Variants in CTTN observed in about 807,000 individuals in gnomAD.
The protein encoded by CTTN is src substrate cortactin.
In CTTN, 28 loss-of-function variants were observed where a neutral mutation model predicts 84.0. That is an observed-to-expected ratio of 0.33 (90% CI 0.25 to 0.46). The LOEUF is 0.46. CTTN is among the 20% of genes least tolerant of loss of function. The probability of loss-of-function intolerance (pLI) is 1.00; values close to 1 mark genes in which losing one functional copy is unlikely to be tolerated. For missense variants in CTTN, 641 were observed against 723.8 expected (o/e 0.89, Z 1.31); for synonymous variants, 301 against 288.8 (o/e 1.04, Z -0.43).
chr11:70,407,736 T>A, intron 4 of CTTN, 145 bp downstream of exon 4: 1 of 641,470 alleles, frequency 1.6e-6, no homozygotes, highest in Non-Finnish European at 2.7e-6. Flanking sequence ...AGTAAATGAA[T>A]ATAAGACACA....
intron 9 of CTTN, 174 bp from the exon 10 acceptor site, chr11:70,420,226 C>G: frequency 1.6e-6 from 1 of 621,378 alleles, no homozygotes; most frequent in African/African-American, 1.8e-5. Context: ...TTATTTCCTG[C>G]CACTCTCCAA....
Position 70,436,036 on chromosome 11 carries a change from C to A in CTTN, c.*874C>A. ...GGGCAGCCTGGGGCGGTGTGTGTGC[C>A]ATGTCACAGCATGGCCTCTCGGCCT... On this transcript the variant is annotated 3_prime_UTR_variant, in exon 18 of 18. Transcript: ENST00000301843. 1 of 1,425,720 alleles carries A rather than the reference C, an allele frequency of 7.0e-7. No individual in the cohort carries two copies. Among genetic ancestry groups the A allele is most frequent in the Non-Finnish European group, 9.1e-7 (1 of 1,095,980 alleles). The allele number at this position is 1,425,720 out of a possible 1,614,324, so 88.3% of individuals were successfully genotyped here. A position where few individuals can be genotyped will look rare whatever the true frequency, so the allele number is the denominator to read the frequency against.
intron 5 of CTTN, among the ~76,000 whole-genome samples, chr11:70,411,636 CAGG>C (rs1376418132): frequency 2.0e-5 from 3 of 152,228 alleles, no homozygotes; most frequent in African/African-American, 7.2e-5. Flanking sequence ...GGCAACGTGT[CAGG>C]AGAGCCTGGT....
In CTTN at chr11:70,411,274, C is replaced by T. The variant is rs1368326605; in HGVS notation, c.291+1314C>T. Among the ~76,000 whole-genome samples the T allele has an allele frequency of 8.5e-5, 9 of 105,752 alleles. 1 individual carries two copies. The South Asian group carries it at 2.2e-3, about 26-fold the overall frequency. 69.4% of individuals were successfully genotyped at this position (105,752 alleles called of 152,430 possible). A position where few individuals can be genotyped will look rare whatever the true frequency, so the allele number is the denominator to read the frequency against. On this transcript the variant is annotated intron_variant, in intron 5 of 17. Transcript: ENST00000301843. The stretch of plus-strand genomic sequence containing the variant: ...GACGGAATCCATGTGTTCAGTGCAG[C>T]GAGCGAAGCGTGTGCACACGGACAG...
chr11:70,424,157 C>T (rs555294598), intron 12 of CTTN, among the ~76,000 whole-genome samples: 32 of 152,146 alleles, frequency 2.1e-4, no homozygotes, highest in Non-Finnish European at 3.8e-4. Context: ...GGAGTAGGCA[C>T]GCGGTCAGAG....
intron 2 of CTTN, among the ~76,000 whole-genome samples, chr11:70,406,136 AGG>A (rs988156388): frequency 2.0e-5 from 3 of 152,262 alleles, no homozygotes; most frequent in African/African-American, 7.2e-5. Flanking sequence ...AGAAGGTTCC[AGG>A]GGCACTGTTA....
At position 70,435,335 on chromosome 11, in the gene CTTN, T is replaced by C; in HGVS notation, c.*173T>C. The C allele has an allele frequency of 6.8e-7, 1 of 1,460,828 alleles. No individual in the cohort carries two copies. The highest frequency in any genetic ancestry group is 1.4e-5 in the South Asian group (1 of 71,804). The allele number at this position is 1,460,828 out of a possible 1,614,324, so 90.5% of individuals were successfully genotyped here. A position where few individuals can be genotyped will look rare whatever the true frequency, so the allele number is the denominator to read the frequency against. ...TTATATTTAATACTTTTGCTGATGCTTTTGAAAATGTTTATGCCACAGAAT... is the reference window on the plus strand; with the variant it reads ...TTATATTTAATACTTTTGCTGATGCCTTTGAAAATGTTTATGCCACAGAAT... On this transcript the variant is annotated 3_prime_UTR_variant, in exon 18 of 18. Transcript: ENST00000301843.
chr11:70,425,422 G>A (rs1263648796), intron 13 of CTTN, 21 bp downstream of exon 13: 1 of 1,595,782 alleles, frequency 6.3e-7, no homozygotes. Context: ...GCTGATACCA[G>A]GAGCACCGTG....
intron 2 of CTTN, among the ~76,000 whole-genome samples, chr11:70,406,336 G>A (rs1419083427): frequency 6.6e-6 from 1 of 152,168 alleles, no homozygotes; most frequent in Non-Finnish European, 1.5e-5. Flanking sequence ...GTCCAGTCCT[G>A]ATTCAGGGCG....
chr11:70,414,458 G>GC lies in CTTN; in HGVS notation c.292-82dup, dbSNP rs2135565920. The GC allele has an allele frequency of 5.1e-6, 5 of 982,634 alleles. No homozygotes were observed. The South Asian group carries it at 5.7e-5, about 11-fold the overall frequency. The allele number at this position is 982,634 out of a possible 1,614,324, so 60.9% of individuals were successfully genotyped here. On this transcript the variant is annotated intron_variant, in intron 5 of 17. Coordinates refer to ENST00000301843, the MANE Select transcript of CTTN (RefSeq NM_005231.4). ...GTTTCCCTGCACTGACCAGGATGTGGCCTCCCCCAGCCCTGCTCTGGGAGG... is the reference window on the plus strand; with the variant it reads ...GTTTCCCTGCACTGACCAGGATGTGGCCCTCCCCCAGCCCTGCTCTGGGAGG...
At chr11:70,412,117 G>A (rs905283013) in intron 5 of CTTN, among the ~76,000 whole-genome samples, 2 of 152,140 alleles carry the variant, frequency 1.3e-5, no homozygotes, top group Non-Finnish European at 2.9e-5. Flanking sequence ...CAGCACCATG[G>A]GACAGATACG....
rs766317172 is a variant in CTTN, at chr11:70,419,763, G to A, written c.586G>A (p.Gly196Ser). 9.9e-6 allele frequency: 16 copies of A among 1,610,028 alleles called. No homozygotes were observed. Among genetic ancestry groups the A allele is most frequent in the African/African-American group, 4.0e-5 (3 of 74,626 alleles). The change falls in exon 9 of 18, where the codon GGC becomes AGC. Residue 196 changes from glycine (G) to serine (S), a missense_variant. This residue lies in a region of CTTN where 284 missense variants were observed against 348.4 expected (regional missense o/e 0.82). Coordinates refer to ENST00000301843, the MANE Select transcript of CTTN (RefSeq NM_005231.4). ...ESQRDYSKGF[G>S]GKYGIDKDKV... ...GTTTTTAGATTACTCCAAAGGTTTC[G>A]GCGGCAAATACGGTATCGACAAGGA...
intron 13 of CTTN, among the ~76,000 whole-genome samples, chr11:70,426,410 C>CAAA (rs889788502): frequency 2.8e-5 from 2 of 72,678 alleles, no homozygotes; most frequent in African/African-American, 9.6e-5. Flanking sequence ...GACTCCGTCT[C>CAAA]AAAAAAAAAA....
At chr11:70,434,880 C>A in intron 17 of CTTN, 146 bp from the exon 18 acceptor site, 1 of 806,160 alleles carries the variant, frequency 1.2e-6, no homozygotes. Flanking sequence ...ATGGGAGAGG[C>A]AGCAGGAGCC....
At chr11:70,406,947 G>A (rs180985758) in intron 2 of CTTN, among the ~76,000 whole-genome samples, 1 of 152,254 alleles carries the variant, frequency 6.6e-6, no homozygotes, top group East Asian at 1.9e-4. Context: ...TTTTTGGTTG[G>A]AAACTATCAT....
chr11:70,429,307 C>T, intron 14 of CTTN, 108 bp downstream of exon 14: 3 of 1,288,362 alleles, frequency 2.3e-6, no homozygotes, highest in Non-Finnish European at 3.2e-6. Flanking sequence ...CCAGGTTTTC[C>T]TTGGAAGGCA....
chr11:70,425,216 G>C, intron 12 of CTTN, 116 bp from the exon 13 acceptor site: 2 of 763,660 alleles, frequency 2.6e-6, no homozygotes, highest in Non-Finnish European at 2.2e-6. Flanking sequence ...GCTCTGGGCT[G>C]TGTGGCTGGG....
At chr11:70,414,857 A>G (rs1020897908) in intron 6 of CTTN, among the ~76,000 whole-genome samples, 6 of 152,160 alleles carry the variant, frequency 3.9e-5, no homozygotes, top group African/African-American at 1.4e-4. Context: ...TTGCTGTAGC[A>G]GTCCCTGCGG....
At chr11:70,420,875 G>A (rs188176377) in intron 10 of CTTN, among the ~76,000 whole-genome samples, 1 of 152,150 alleles carries the variant, frequency 6.6e-6, no homozygotes, top group African/African-American at 2.4e-5. Flanking sequence ...GGGGGGCTGG[G>A]TTTACCCGGG....
Sources: gnomAD v4.1 joint callset for allele counts (sites outside exome capture counted in the v4.1 genomes callset) on GRCh38, gnomAD v4.1.1 for gene constraint, gnomAD v4.1.1 regional missense constraint, MANE v1.5 for transcripts, NCBI Gene and HGNC (gene_info 2026-07-23, HGNC 2026-07-21) for gene names.